The following DMXL2 variants were observed in gnomAD, a reference collection of about 807,000 sequenced individuals.
DMXL2 encodes dmX-like protein 2.
DMXL2 carries 103 observed loss-of-function variants against 331.1 expected under a neutral mutation model. That is an observed-to-expected ratio of 0.31 (90% CI 0.27 to 0.37). DMXL2 has a LOEUF of 0.37. Among genes scored for constraint, DMXL2 ranks in the 10% least tolerant of loss-of-function variants. The probability of loss-of-function intolerance (pLI) is 1.00; values close to 1 mark genes in which losing one functional copy is unlikely to be tolerated. For synonymous variants in DMXL2, 1,281 were observed against 1,252.1 expected, an observed-to-expected ratio of 1.02 and a Z score of -0.49; for missense variants, 3,171 against 3,642.9, an observed-to-expected ratio of 0.87 and a Z score of 3.33.
At chr15:51,579,388 C>G (rs1441157046) in intron 1 of DMXL2, among the ~76,000 whole-genome samples, 1 of 152,104 alleles carries the variant, frequency 6.6e-6, no homozygotes, top group Non-Finnish European at 1.5e-5. Flanking sequence ...AAAAGGGACT[C>G]ATATAATCAG....
At position 51,476,601 on chromosome 15, in the gene DMXL2, CAGG is replaced by C; in HGVS notation, c.6949_6951del (p.Pro2317del). ...TTTAAATTCTCACCAGGCCATTGAG[CAGG>C]AGATGAATTTGGTGTTGCGTGTTCT... On this transcript the variant is annotated inframe_deletion, in exon 27 of 44. Coordinates refer to ENST00000560891, the MANE Select transcript of DMXL2 (RefSeq NM_001378457.1). 6.2e-7 allele frequency: 1 copy of C among 1,606,680 alleles called. No homozygotes were observed. The highest frequency in any genetic ancestry group is 8.5e-7 in the Non-Finnish European group (1 of 1,177,660).
chr15:51,617,319 C>T (rs561590156), intron 1 of DMXL2, among the ~76,000 whole-genome samples: 6 of 152,314 alleles, frequency 3.9e-5, no homozygotes, highest in African/African-American at 1.4e-4. Context: ...GGTCCCATCT[C>T]CCACCCAATA....
chr15:51,504,022 C>A (rs1354289096), intron 16 of DMXL2, among the ~76,000 whole-genome samples: 2 of 151,776 alleles, frequency 1.3e-5, no homozygotes, highest in African/African-American at 2.4e-5. Context: ...CTAAAAGAAA[C>A]CCCTTATACA....
intron 21 of DMXL2, 53 bp from the exon 22 acceptor site, chr15:51,488,172 C>G: frequency 6.9e-7 from 1 of 1,451,694 alleles, no homozygotes; most frequent in East Asian, 2.3e-5. Context: ...AAATGTTCTA[C>G]AGAATGTATA....
rs1389173973 is a variant in DMXL2 at position 51,449,078 on chromosome 15, T to C, written c.9083A>G (p.Asn3028Ser). 38 of 1,614,100 alleles carry C rather than the reference T, an allele frequency of 2.4e-5. No individual in the cohort carries two copies. Among genetic ancestry groups the C allele is most frequent in the Middle Eastern group, 1.6e-4 (1 of 6,084 alleles). Residue 3028 changes from asparagine (N) to serine (S), a missense_variant, in exon 44 of 44, where the codon AAT becomes AGT. Around this residue, in one of 7 missense-constraint regions of DMXL2, gnomAD observed 766 missense variants for 940.5 expected, o/e 0.81. Coordinates refer to ENST00000560891, the MANE Select transcript of DMXL2 (RefSeq NM_001378457.1). Reference protein sequence around the residue: ...GVMQIDIIQGNRLFSCGADGT... With the variant: ...GVMQIDIIQGSRLFSCGADGT... ...ATCTGCACCACAGGAGAAGAGCCGA[T>C]TGCCCTGGATGATGTCAATCTGCAT... is the stretch of plus-strand genomic sequence containing the variant.
intron 1 of DMXL2, among the ~76,000 whole-genome samples, chr15:51,609,861 C>T (rs540269663): frequency 2.6e-5 from 4 of 151,204 alleles, no homozygotes; most frequent in East Asian, 1.9e-4. Flanking sequence ...CCCGGGAGAA[C>T]GGAGGTTGCA....
At chr15:51,601,994 A>G (rs570815278) in intron 1 of DMXL2, among the ~76,000 whole-genome samples, 12 of 152,322 alleles carry the variant, frequency 7.9e-5, no homozygotes, top group African/African-American at 2.2e-4. Context: ...AAATGACATC[A>G]TAGCTCCAGT....
At chr15:51,564,734 T>C (rs1237537980) in intron 4 of DMXL2, among the ~76,000 whole-genome samples, 2 of 152,138 alleles carry the variant, frequency 1.3e-5, no homozygotes, top group Admixed American at 1.3e-4. Context: ...AAATTAAAGA[T>C]AGTAATTTCC....
chr15:51,502,336 GTGTA>G (rs1354781704), intron 17 of DMXL2, among the ~76,000 whole-genome samples: 1 of 151,400 alleles, frequency 6.6e-6, no homozygotes, highest in African/African-American at 2.4e-5. Context: ...GTGTGTGTGT[GTGTA>G]TGGAGTCTCA....
rs2140437780 is a variant in DMXL2, at chr15:51,491,687, T to C, written c.4844A>G (p.Asn1615Ser). The C allele has an allele frequency of 6.2e-7, 1 of 1,613,820 alleles. No homozygotes were observed. Among genetic ancestry groups the C allele is most frequent in the Non-Finnish European group, 8.5e-7 (1 of 1,179,898 alleles). The stretch of plus-strand genomic sequence containing the variant: ...CCCTCTCTGAATTGCTGGAATCATA[T>C]TAATCAGTTCTTCTTCAGCCTCAGA... ...FHSEAEEELI[N>S]MIPAIQRGDP... Residue 1615 changes from asparagine (N) to serine (S), a missense_variant, in exon 20 of 44, where the codon AAT (asparagine) becomes AGT (serine). By Grantham distance (46) the Asn-to-Ser change is conservative. Transcript: ENST00000560891.
At chr15:51,450,100 G>A (rs752604740) in intron 43 of DMXL2, 29 bp downstream of exon 43, 2 of 1,596,540 alleles carry the variant, frequency 1.3e-6, no homozygotes, top group Admixed American at 1.7e-5. Flanking sequence ...TCAGTCTTTA[G>A]CACATTCCAA....
In DMXL2 at chr15:51,449,164, A is replaced by AATT; in HGVS notation, c.8994_8996dup (p.Ile2999dup). ...TAGCATGTTCACTTTTAAATGAATG[A>AATT]ATTAGGCCATGGCCTGTCAATCTCC... On this transcript the variant is annotated inframe_insertion, in exon 44 of 44. Coordinates refer to ENST00000560891, the MANE Select transcript of DMXL2 (RefSeq NM_001378457.1). 1 of 1,614,196 alleles carries AATT rather than the reference A, an allele frequency of 6.2e-7. No individual in the cohort carries two copies. Among genetic ancestry groups the AATT allele is most frequent in the South Asian group, 1.1e-5 (1 of 91,080 alleles).
chr15:51,619,805 C>T (rs1244747437), intron 1 of DMXL2, among the ~76,000 whole-genome samples: 2 of 152,128 alleles, frequency 1.3e-5, no homozygotes, highest in African/African-American at 2.4e-5. Flanking sequence ...TCTGGGAGGC[C>T]TTCCATCCAT....
intron 13 of DMXL2, among the ~76,000 whole-genome samples, chr15:51,518,906 G>A (rs574465372): frequency 6.6e-6 from 1 of 152,172 alleles, no homozygotes; most frequent in African/African-American, 2.4e-5. Flanking sequence ...GATACTACTG[G>A]AAATTAGAAT....
chr15:51,540,865 T>C (rs1596184332), intron 9 of DMXL2, among the ~76,000 whole-genome samples: 2 of 152,136 alleles, frequency 1.3e-5, no homozygotes, highest in South Asian at 2.1e-4. Context: ...CAAGGCCCAA[T>C]GGCTACAAGA....
At chr15:51,586,880 C>CA (rs1253300028) in intron 1 of DMXL2, among the ~76,000 whole-genome samples, 1 of 150,906 alleles carries the variant, frequency 6.6e-6, no homozygotes, top group African/African-American at 2.4e-5. Context: ...AAGTGGAAAT[C>CA]AAAAATCTTA....
At chr15:51,604,059 T>A (rs930588781) in intron 1 of DMXL2, among the ~76,000 whole-genome samples, 4 of 151,906 alleles carry the variant, frequency 2.6e-5, no homozygotes, top group African/African-American at 9.7e-5. Context: ...TAATATACCA[T>A]AACGAAGTGG....
At chr15:51,614,133 G>GC (rs1009583929) in intron 1 of DMXL2, among the ~76,000 whole-genome samples, 2 of 152,062 alleles carry the variant, frequency 1.3e-5, no homozygotes, top group Non-Finnish European at 2.9e-5. Context: ...AAAAGACACC[G>GC]CAAGTGCATG....
At chr15:51,596,025 C>G (rs1475381797) in intron 1 of DMXL2, among the ~76,000 whole-genome samples, 2 of 152,172 alleles carry the variant, frequency 1.3e-5, no homozygotes, top group African/African-American at 2.4e-5. Flanking sequence ...GACTTCATGT[C>G]TAAAACACCA....
Sources: allele counts gnomAD v4.1 joint callset (sites outside exome capture counted in the v4.1 genomes callset), GRCh38; gene constraint gnomAD v4.1.1; regional missense constraint gnomAD v4.1.1; transcripts MANE v1.5; gene names NCBI Gene and HGNC (gene_info 2026-07-23, HGNC 2026-07-21).